The following TRRAP variants were observed in gnomAD, a reference collection of about 807,000 sequenced individuals.
TRRAP encodes the protein transformation/transcription domain associated protein, also known as transformation/transcription domain-associated protein.
Under a neutral mutation model 438.8 loss-of-function variants are expected in TRRAP, and 41 were observed. That is an observed-to-expected ratio of 0.09 (90% confidence interval 0.07 to 0.12). TRRAP has a LOEUF of 0.12. Ranked by LOEUF, TRRAP falls within the 10% of genes least tolerant of loss-of-function variation. The probability of loss-of-function intolerance (pLI) is 1.00; values close to 1 mark genes in which losing one functional copy is unlikely to be tolerated. For synonymous variants in TRRAP, 1,994 were observed against 1,962.9 expected (o/e 1.02, Z -0.42); for missense variants, 3,122 against 5,055.1 (o/e 0.62, Z 11.60).
chr7:99,003,030 C>T (rs945747503), intron 67 of TRRAP, among the ~76,000 whole-genome samples: 4 of 152,194 alleles, frequency 2.6e-5, no homozygotes, highest in Admixed American at 1.3e-4. Flanking sequence ...GCATGTCTCC[C>T]GCCACGACTC....
rs1478378809 is a variant in TRRAP at position 98,948,001 on chromosome 7, A to G, written c.4549-220A>G. Among the ~76,000 whole-genome samples the G allele has an allele frequency of 2.0e-5, 3 of 152,122 alleles. No homozygotes were observed. Among genetic ancestry groups the G allele is most frequent in the Admixed American group, 2.0e-4 (3 of 15,264 alleles). ...ACCGTCGGCCCCTCCACACCCCTACAATGGACAGGAATGCTGAAGGCCACG... is the reference window on the plus strand; with the variant it reads ...ACCGTCGGCCCCTCCACACCCCTACGATGGACAGGAATGCTGAAGGCCACG... On this transcript the variant is annotated intron_variant, in intron 33 of 72. Transcript: ENST00000456197. This position sits in a 1 kb window ranked among gnomAD's most constrained non-coding sequence, Gnocchi z 4.9.
intron 27 of TRRAP, among the ~76,000 whole-genome samples, chr7:98,934,260 C>T (rs10241241): frequency 0.69 from 105,442 of 152,168 alleles, 41,547 homozygotes; most frequent in South Asian, 0.88. Flanking sequence ...GAGTATACCG[C>T]GGCAAAAATC....
chr7:98,922,276 T>G (rs564878294), intron 21 of TRRAP, among the ~76,000 whole-genome samples: 6 of 152,312 alleles, frequency 3.9e-5, no homozygotes, highest in Admixed American at 6.5e-5. Context: ...CTGTCTGTCT[T>G]CGCAGCCACA....
chr7:98,942,798 T>G (rs937627572), intron 30 of TRRAP, 151 bp from the exon 31 acceptor site: 1 of 799,392 alleles, frequency 1.3e-6, no homozygotes, highest in Non-Finnish European at 2.0e-6. Context: ...CCAGTTATTC[T>G]CATCACTAGT....
At chr7:98,897,294 AGT>A (rs1247495728) in intron 7 of TRRAP, among the ~76,000 whole-genome samples, 1 of 152,204 alleles carries the variant, frequency 6.6e-6, no homozygotes, top group African/African-American at 2.4e-5. Flanking sequence ...CTATTTAGAG[AGT>A]GAAAAATTAA....
chr7:98,880,086 A>G (rs1795350398), intron 1 of TRRAP, among the ~76,000 whole-genome samples: 1 of 152,016 alleles, frequency 6.6e-6, no homozygotes, highest in South Asian at 2.1e-4. Context: ...GGCAGCTACA[A>G]ACAGAATTTA....
chr7:98,945,646 G>A lies in TRRAP; in HGVS notation c.4474-101G>A, dbSNP rs1213285856. The A allele has an allele frequency of 4.4e-6, 6 of 1,366,374 alleles. No individual in the cohort carries two copies. In the African/African-American group the frequency reaches 5.8e-5, roughly 13 times the overall value. The allele number at this position is 1,366,374 out of a possible 1,614,324, so 84.6% of individuals were successfully genotyped here. On this transcript the variant is annotated intron_variant, in intron 31 of 72. Coordinates refer to ENST00000456197, the MANE Select transcript of TRRAP (RefSeq NM_001375524.1). ...CTTTCTGATAATTTGTGTCTTTACT[G>A]TCTTGTTAACCCCAATAACCCTTAC...
intron 25 of TRRAP, among the ~76,000 whole-genome samples, chr7:98,931,145 T>C (rs782638606): frequency 2.0e-5 from 3 of 152,238 alleles, no homozygotes; most frequent in Admixed American, 6.5e-5. Flanking sequence ...TATGCAGATA[T>C]GACTCACACC....
intron 23 of TRRAP, among the ~76,000 whole-genome samples, chr7:98,928,526 T>C (rs1554412063): frequency 2.0e-5 from 3 of 152,202 alleles, no homozygotes. Context: ...TAACATTGTC[T>C]TTCTGGCAAA....
intron 13 of TRRAP, among the ~76,000 whole-genome samples, chr7:98,906,489 G>A (rs1368092732): frequency 2.6e-5 from 4 of 151,724 alleles, no homozygotes; most frequent in Non-Finnish European, 5.9e-5. Context: ...CTGGAGTATA[G>A]CAGTGCAATC....
intron 12 of TRRAP, among the ~76,000 whole-genome samples, chr7:98,903,801 T>C (rs1304433515): frequency 6.6e-6 from 1 of 152,132 alleles, no homozygotes; most frequent in African/African-American, 2.4e-5. Context: ...CTCACAGTCA[T>C]GGCAGAAGGC....
chr7:98,920,025 T>C (rs1554410204), intron 20 of TRRAP, among the ~76,000 whole-genome samples: 1 of 152,238 alleles, frequency 6.6e-6, no homozygotes, highest in Non-Finnish European at 1.5e-5. Context: ...TAGACTACTT[T>C]TCTGACAATT....
intron 38 of TRRAP, 123 bp from the exon 39 acceptor site, chr7:98,950,753 C>G: frequency 4.9e-6 from 6 of 1,234,104 alleles, no homozygotes; most frequent in Non-Finnish European, 6.4e-6. Context: ...GGTTGGTAGT[C>G]ACACCCTGGG....
rs1305589383 is a variant in TRRAP, at chr7:98,962,378, G to T, written c.6780G>T (p.Gly2260=). Residue 2260 remains glycine, a synonymous_variant, in exon 47 of 73, where the codon GGG becomes GGT. Coordinates refer to ENST00000456197, the MANE Select transcript of TRRAP (RefSeq NM_001375524.1). ...YAAVGKVIYE[G]LTNYEKATNA... The stretch of plus-strand genomic sequence containing the variant: ...CCGTCGGAAAGGTCATCTATGAAGG[G>T]CTCACCAACTACGAGAAGGCCACCA... 2 of 1,614,180 alleles carry T rather than the reference G, an allele frequency of 1.2e-6. No individual in the cohort carries two copies. The highest frequency in any genetic ancestry group is 2.2e-5 in the South Asian group (2 of 91,082).
intron 4 of TRRAP, among the ~76,000 whole-genome samples, chr7:98,890,988 G>A (rs1310486932): frequency 2.0e-5 from 3 of 150,244 alleles, no homozygotes; most frequent in African/African-American, 4.9e-5. Context: ...GAGAATGGGG[G>A]TCTTGCTGTG....
chr7:99,005,101 G>GC lies in TRRAP; in HGVS notation c.10536-29dup. On this transcript the variant is annotated intron_variant, in intron 68 of 72. Transcript: ENST00000456197. This position sits in a 1 kb window ranked among gnomAD's most constrained non-coding sequence, Gnocchi z 5.1. ...CAAGGACTGGTAGCAGAGATGCAGG[G>GC]CATGTCCTCATGGCTTCTCGCTCTG... is the stretch of plus-strand genomic sequence containing the variant. 1.2e-6 allele frequency: 2 copies of GC among 1,607,072 alleles called. No individual in the cohort carries two copies. The highest frequency in any genetic ancestry group is 1.7e-6 in the Non-Finnish European group (2 of 1,175,406).
intron 22 of TRRAP, among the ~76,000 whole-genome samples, 176 bp downstream of exon 22, chr7:98,925,439 G>T (rs918267151): frequency 6.6e-6 from 1 of 152,134 alleles, no homozygotes; most frequent in Non-Finnish European, 1.5e-5. Context: ...AAGGAGAACT[G>T]GGTGCTTGAG....
rs1793055933 is a variant in TRRAP, at chr7:98,984,163, T to C, written c.9093T>C (p.His3031=). 6.2e-7 allele frequency: 1 copy of C among 1,614,172 alleles called. No homozygotes were observed. Among genetic ancestry groups the C allele is most frequent in the Non-Finnish European group, 8.5e-7 (1 of 1,180,010 alleles). ...PSSNNAMLGV[H]ASASAIIQYG... ...CAAATAACGCTATGCTTGGGGTTCATGCATCAGCTTCAGCGATCATCCAGT... is the reference window on the plus strand; with the variant it reads ...CAAATAACGCTATGCTTGGGGTTCACGCATCAGCTTCAGCGATCATCCAGT... The change falls in exon 61 of 73, where the codon CAT becomes CAC. Residue 3031 remains histidine, a synonymous_variant. Transcript: ENST00000456197.
At chr7:98,996,209 A>ACATCTGCGCATCCACATCC in intron 67 of TRRAP, among the ~76,000 whole-genome samples, 2 of 152,128 alleles carry the variant, frequency 1.3e-5, no homozygotes, top group South Asian at 4.1e-4. Context: ...CACCCACATC[A>ACATCTGCGCATCCACATCC]CATCTGCGCA....
Sources: allele counts gnomAD v4.1 joint callset (sites outside exome capture counted in the v4.1 genomes callset), GRCh38; gene constraint gnomAD v4.1.1; non-coding constraint Gnocchi (gnomAD v3.1); transcripts MANE v1.5; gene names NCBI Gene and HGNC (gene_info 2026-07-23, HGNC 2026-07-21).